The following LCP1 variants were observed in gnomAD, a reference collection of about 807,000 sequenced individuals.
LCP1 encodes plastin-2.
LCP1 carries 23 observed loss-of-function variants against 72.0 expected under a neutral mutation model. The observed-to-expected ratio is 0.32, with a 90% CI of 0.23 to 0.45. LCP1 has a LOEUF of 0.45. Ranked by LOEUF, LCP1 falls within the 20% of genes least tolerant of loss-of-function variation. The pLI is 1.00. For synonymous variants in LCP1, 245 were observed against 275.4 expected, an observed-to-expected ratio of 0.89 and a Z score of 1.09; for missense variants, 571 against 748.3, an observed-to-expected ratio of 0.76 and a Z score of 2.76.
intron 1 of LCP1, among the ~76,000 whole-genome samples, chr13:46,172,049 T>C (rs1031472152): frequency 6.6e-6 from 1 of 152,250 alleles, no homozygotes; most frequent in Non-Finnish European, 1.5e-5. Flanking sequence ...GTGGATACCA[T>C]GGAACAACTG....
intron 7 of LCP1, among the ~76,000 whole-genome samples, chr13:46,152,228 C>A (rs1432644907): frequency 6.6e-6 from 1 of 151,810 alleles, no homozygotes; most frequent in Admixed American, 6.6e-5. Context: ...AGGAAGAGTG[C>A]CTGAAATCTA....
At chr13:46,175,141 A>C (rs967380637) in intron 1 of LCP1, among the ~76,000 whole-genome samples, 3 of 152,228 alleles carry the variant, frequency 2.0e-5, no homozygotes, top group African/African-American at 7.2e-5. Flanking sequence ...ATTAATAACA[A>C]CTTTACCTAG....
intron 4 of LCP1, 152 bp downstream of exon 4, chr13:46,158,370 T>G (rs1301461347): frequency 1.4e-6 from 1 of 705,724 alleles, no homozygotes; most frequent in Admixed American, 3.0e-5. Context: ...CTATATTATG[T>G]ACCCAGAACT....
chr13:46,155,297 T>G (rs113701958), intron 5 of LCP1, among the ~76,000 whole-genome samples: 1,821 of 152,314 alleles, frequency 0.012, 31 homozygotes, highest in African/African-American at 0.042. Flanking sequence ...ACATTTCTAT[T>G]TGACACAGGA....
Position 46,127,562 on chromosome 13 carries a change from C to A in LCP1, c.*29G>T, listed in dbSNP as rs1429227997. The A allele has an allele frequency of 1.6e-5, 25 of 1,612,876 alleles. No individual in the cohort carries two copies. Among genetic ancestry groups the A allele is most frequent in the Non-Finnish European group, 2.1e-5 (25 of 1,179,544 alleles). On this transcript the variant is annotated 3_prime_UTR_variant, in exon 16 of 16. Coordinates refer to ENST00000323076, the MANE Select transcript of LCP1 (RefSeq NM_002298.5). Reference sequence around the variant, plus strand: ...TGTGCCGGGCAGTCAGGAGTGAGTGCACCGCCTCCCACCCAGCCCCATTGG... The same window carrying A: ...TGTGCCGGGCAGTCAGGAGTGAGTGAACCGCCTCCCACCCAGCCCCATTGG...
At chr13:46,132,604 G>A (rs919520758) in intron 14 of LCP1, among the ~76,000 whole-genome samples, 2 of 152,156 alleles carry the variant, frequency 1.3e-5, no homozygotes, top group African/African-American at 4.8e-5. Flanking sequence ...TTTCAACTTT[G>A]CTTTTCTTTA....
intron 5 of LCP1, 91 bp from the exon 6 acceptor site, chr13:46,154,977 A>C (rs2296120): frequency 0.011 from 10,574 of 923,120 alleles, 207 homozygotes; most frequent in East Asian, 0.072. Context: ...TACCATAATC[A>C]AAGAAGATAG....
chr13:46,162,554 G>A (rs908667104), intron 1 of LCP1, among the ~76,000 whole-genome samples: 16 of 151,898 alleles, frequency 1.1e-4, no homozygotes, highest in South Asian at 4.2e-4. Flanking sequence ...TGCCAGCCTC[G>A]GCCTCCGGAG....
chr13:46,176,135 T>A (rs1415241255), intron 1 of LCP1, among the ~76,000 whole-genome samples: 1 of 152,218 alleles, frequency 6.6e-6, no homozygotes, highest in East Asian at 1.9e-4. Flanking sequence ...AGCTCTCATG[T>A]TCTATAGCAC....
chr13:46,158,720 T>C, intron 3 of LCP1, 69 bp from the exon 4 acceptor site: 1 of 1,606,470 alleles, frequency 6.2e-7, no homozygotes, highest in Non-Finnish European at 8.5e-7. Context: ...AAAGAATATG[T>C]AATGTCGAAG....
intron 15 of LCP1, among the ~76,000 whole-genome samples, chr13:46,128,350 A>G (rs775596186): frequency 1.3e-4 from 20 of 152,292 alleles, no homozygotes; most frequent in East Asian, 7.7e-4. Context: ...TGTAATCCCA[A>G]CACTTCGGGT....
At chr13:46,169,054 C>G (rs1314836513) in intron 1 of LCP1, among the ~76,000 whole-genome samples, 1 of 152,196 alleles carries the variant, frequency 6.6e-6, no homozygotes, top group Admixed American at 6.5e-5. Flanking sequence ...TCCCCTGTCA[C>G]AGAGGCATGA....
rs2045605340 is a variant in LCP1 at position 46,127,402 on chromosome 13, C to T, written c.*189G>A. 2 of 579,376 alleles carry T rather than the reference C, an allele frequency of 3.5e-6. No homozygotes were observed. Among genetic ancestry groups the T allele is most frequent in the Non-Finnish European group, 3.0e-6 (1 of 337,400 alleles). 35.9% of individuals were successfully genotyped at this position (579,376 alleles called of 1,614,324 possible). A position where few individuals can be genotyped will look rare whatever the true frequency, so the allele number is the denominator to read the frequency against. On this transcript the variant is annotated 3_prime_UTR_variant, in exon 16 of 16. Transcript: ENST00000323076. ...AGAAACCTATATATAGGAGGTTGGG[C>T]CTCCTGCAAAGAATGAAGCACTTTT... is the stretch of plus-strand genomic sequence containing the variant.
At chr13:46,159,284 G>A (rs2045823235) in intron 2 of LCP1, 2 of 521,362 alleles carry the variant, frequency 3.8e-6, no homozygotes, top group Non-Finnish European at 6.8e-6. Context: ...GTGATAAAGA[G>A]TAAGAGAAAG....
intron 6 of LCP1, among the ~76,000 whole-genome samples, chr13:46,153,722 C>T (rs1254826234): frequency 2.0e-5 from 3 of 148,590 alleles, no homozygotes; most frequent in African/African-American, 7.4e-5. Flanking sequence ...AAAAAGAAAA[C>T]GAAAATGAAA....
rs2045703196 is a variant in LCP1, at chr13:46,142,286, T to C, written c.1502+6A>G. 5 of 1,613,414 alleles carry C rather than the reference T, an allele frequency of 3.1e-6. No individual in the cohort carries two copies. The highest frequency in any genetic ancestry group is 4.2e-6 in the Non-Finnish European group (5 of 1,179,468). ...AAGAAAAAGCCACTTCCATAAGCTATACTACCTTCTCATTAGCTGCCAAAT... is the reference window on the plus strand; with the variant it reads ...AAGAAAAAGCCACTTCCATAAGCTACACTACCTTCTCATTAGCTGCCAAAT... On this transcript the variant is annotated splice_donor_region_variant and intron_variant, in intron 13 of 15. Transcript: ENST00000323076.
chr13:46,179,613 G>T (rs1024372188), intron 1 of LCP1, among the ~76,000 whole-genome samples: 2 of 152,162 alleles, frequency 1.3e-5, no homozygotes, highest in Non-Finnish European at 2.9e-5. Context: ...CTTGAAGTCC[G>T]CCTTGAAAAA....
chr13:46,176,089 G>GT (rs1240715799), intron 1 of LCP1, among the ~76,000 whole-genome samples: 6 of 152,170 alleles, frequency 3.9e-5, no homozygotes, highest in Admixed American at 2.0e-4. Context: ...GGAGAGATTT[G>GT]TTTAGATACA....
intron 13 of LCP1, 38 bp downstream of exon 13, chr13:46,142,254 T>G (rs770703249): frequency 2.1e-5 from 34 of 1,593,072 alleles, no homozygotes; most frequent in Non-Finnish European, 2.9e-5. Context: ...AAGTAAATAA[T>G]GTATTCAAGA....
Sources: gnomAD v4.1 joint callset for allele counts (sites outside exome capture counted in the v4.1 genomes callset) on GRCh38, gnomAD v4.1.1 for gene constraint, MANE v1.5 for transcripts, NCBI Gene and HGNC (gene_info 2026-07-23, HGNC 2026-07-21) for gene names.